TACC2: variants seen among roughly 807,000 people sequenced by gnomAD.
The protein encoded by TACC2 is transforming acidic coiled-coil containing protein 2.
TACC2 carries 137 observed loss-of-function variants against 227.3 expected under a neutral mutation model. The ratio of observed to expected loss-of-function variants is 0.60; its 90% CI spans 0.52 to 0.69. TACC2 has a LOEUF of 0.69. TACC2 is among the 30% of genes least tolerant of loss of function. The pLI is 0.00. For missense variants in TACC2, 3,470 were observed against 3,694.4 expected, an observed-to-expected ratio of 0.94 and a Z score of 1.57; for synonymous variants, 1,523 against 1,487.5, an observed-to-expected ratio of 1.02 and a Z score of -0.55.
chr10:122,033,905 A>G (rs1192066948), intron 2 of TACC2, among the ~76,000 whole-genome samples: 1 of 152,128 alleles, frequency 6.6e-6, no homozygotes, highest in East Asian at 1.9e-4. Context: ...TAATCCCAGC[A>G]CTTTGGGAAG....
intron 8 of TACC2, among the ~76,000 whole-genome samples, chr10:122,206,880 C>T (rs2095128217): frequency 6.6e-6 from 1 of 152,136 alleles, no homozygotes; most frequent in South Asian, 2.1e-4. Context: ...CGGCACACCC[C>T]CCAGTGGCTG....
chr10:122,036,500 CT>C (rs372264940), intron 2 of TACC2, among the ~76,000 whole-genome samples: 42,336 of 131,878 alleles, frequency 0.32, 6,825 homozygotes, highest in Admixed American at 0.44. Flanking sequence ...GCAATCCATT[CT>C]TTTTTTTTTT....
rs77657275 is a variant in TACC2 at position 122,083,842 on chromosome 10, G to T, written c.1342G>T (p.Ala448Ser). The T allele has an allele frequency of 5.4e-3, 8,772 of 1,614,160 alleles. 42 individuals carry two copies. Among genetic ancestry groups the T allele is most frequent in the Middle Eastern group, 9.4e-3 (57 of 6,062 alleles). The change falls in exon 4 of 23, where the codon GCT (alanine) becomes TCT (serine). Residue 448 changes from alanine to serine, a missense_variant. Ala to Ser is a moderately conservative substitution (Grantham distance 99). Transcript: ENST00000369005. Reference protein sequence around the residue: ...GSSSRESVSKAGMPVSADAAK... With the variant: ...GSSSRESVSKSGMPVSADAAK... ...ATCATCCAGGGAATCAGTTTCCAAG[G>T]CTGGGATGCCAGTTTCTGCAGATGC...
chr10:122,019,438 C>G (rs147432819), intron 1 of TACC2, among the ~76,000 whole-genome samples: 9 of 152,214 alleles, frequency 5.9e-5, no homozygotes, highest in Non-Finnish European at 1.3e-4. Flanking sequence ...GGTTTGTTCC[C>G]GGCCCGACTG....
At chr10:122,071,229 A>G (rs2078020847) in intron 3 of TACC2, among the ~76,000 whole-genome samples, 4 of 152,220 alleles carry the variant, frequency 2.6e-5, no homozygotes. Flanking sequence ...TTTGATCATT[A>G]AGAAAAGTCT....
intron 5 of TACC2, among the ~76,000 whole-genome samples, chr10:122,094,261 GA>G (rs1218528810): frequency 6.6e-6 from 1 of 152,142 alleles, no homozygotes; most frequent in African/African-American, 2.4e-5. Flanking sequence ...CTGTCATTTG[GA>G]AAAGCTTCAA....
At chr10:122,216,562 A>T in intron 10 of TACC2, 65 bp from the exon 11 acceptor site, 2 of 1,541,734 alleles carry the variant, frequency 1.3e-6, no homozygotes, top group Non-Finnish European at 1.8e-6. Flanking sequence ...CCCAGACCTG[A>T]GGGTGGGCAC....
chr10:121,994,149 C>G (rs1041379362), intron 1 of TACC2, among the ~76,000 whole-genome samples: 2 of 152,178 alleles, frequency 1.3e-5, no homozygotes, highest in African/African-American at 4.8e-5. Context: ...TAGAACTCGC[C>G]TAACTAACTG....
In TACC2 at chr10:122,141,623, C is replaced by G. The variant is rs1434026478; in HGVS notation, c.5700-1949C>G. 1.3e-5 allele frequency among the ~76,000 whole-genome samples: 2 copies of G among 152,064 alleles called. No homozygotes were observed. The highest frequency in any genetic ancestry group is 1.5e-5 in the Non-Finnish European group (1 of 68,018). ...CTGCATCAGATCCCAGGGCTGTCAGCTGTCACAGAGCTGGCTTTGTTGTGA... is the reference window on the plus strand; with the variant it reads ...CTGCATCAGATCCCAGGGCTGTCAGGTGTCACAGAGCTGGCTTTGTTGTGA... On this transcript the variant is annotated intron_variant, in intron 6 of 22. Transcript: ENST00000369005. The surrounding 1 kb of genome is among the most constrained non-coding windows in gnomAD (Gnocchi z 4.3).
At chr10:122,203,370 AC>A (rs1229633556) in intron 8 of TACC2, among the ~76,000 whole-genome samples, 12 of 133,418 alleles carry the variant, frequency 9.0e-5, no homozygotes, top group East Asian at 4.5e-4. Flanking sequence ...CAGGGGGCTG[AC>A]CCCCCCACCT....
rs145168306 is a variant in TACC2 at position 122,051,046 on chromosome 10, G to A, written c.146+496G>A. The A allele has an allele frequency of 1.5e-3, 240 of 156,516 alleles. 1 individual carries two copies. Among genetic ancestry groups the A allele is most frequent in the Non-Finnish European group, 2.4e-3 (169 of 70,868 alleles). 9.7% of individuals were successfully genotyped at this position (156,516 alleles called of 1,614,324 possible). On this transcript the variant is annotated intron_variant, in intron 3 of 22. Transcript: ENST00000369005. ...TGTGGCAGTGGGATGTGGCCAGTGC[G>A]GGGGTGGCCCATCAGTCACTTCCTT...
chr10:122,086,093 G>C lies in TACC2; in HGVS notation c.3593G>C (p.Arg1198Thr). Residue 1198 changes from arginine to threonine, a missense_variant, in exon 4 of 23, where the codon AGA (arginine) becomes ACA (threonine). By Grantham distance (71) the Arg-to-Thr change is moderately conservative. This residue lies in a region of TACC2 where 1,924 missense variants were observed against 1,978.3 expected (regional missense o/e 0.97). Transcript: ENST00000369005. The part of the protein sequence containing the change: ...ASCQDALLPA[R>T]ELGGIPRSTM... The stretch of plus-strand genomic sequence containing the variant: ...TGCCAGGATGCCTTGCTGCCAGCCA[G>C]AGAGCTGGGTGGGATTCCCAGGAGC... The C allele has an allele frequency of 1.2e-6, 2 of 1,613,788 alleles. No homozygotes were observed. The highest frequency in any genetic ancestry group is 1.1e-5 in the South Asian group (1 of 91,090).
rs1458324936 is a variant in TACC2, at chr10:122,211,143, C to G, written c.6718C>G (p.Pro2240Ala). 2 of 1,609,760 alleles carry G rather than the reference C, an allele frequency of 1.2e-6. No homozygotes were observed. Among genetic ancestry groups the G allele is most frequent in the Admixed American group, 1.7e-5 (1 of 59,264 alleles). The change falls in exon 9 of 23, where the codon CCG (proline) becomes GCG (alanine). Residue 2240 changes from proline to alanine, a missense_variant. Physicochemically the swap from Pro to Ala is conservative, Grantham distance 27 (BLOSUM62 -1). Transcript: ENST00000369005. ...GRKTLPLTTA[P>A]EAGEVTPSDS... Reference sequence around the variant, plus strand: ...GAAAACGCTGCCTCTTACCACGGCCCCGGAGGCAGGGGAGGTAACCCCATC... The same window carrying G: ...GAAAACGCTGCCTCTTACCACGGCCGCGGAGGCAGGGGAGGTAACCCCATC...
At chr10:122,108,081 T>C (rs929216887) in intron 5 of TACC2, among the ~76,000 whole-genome samples, 10 of 151,064 alleles carry the variant, frequency 6.6e-5, no homozygotes, top group Admixed American at 4.0e-4. Flanking sequence ...TTAGTAGAGA[T>C]GGGGTTTCAC....
chr10:122,070,069 T>G (rs990898322), intron 3 of TACC2, among the ~76,000 whole-genome samples: 1 of 152,186 alleles, frequency 6.6e-6, no homozygotes, highest in African/African-American at 2.4e-5. Context: ...AGAGAGACGA[T>G]CTCAACAAAA....
chr10:122,067,881 T>G (rs985879977), intron 3 of TACC2, among the ~76,000 whole-genome samples: 8 of 152,312 alleles, frequency 5.3e-5, no homozygotes, highest in African/African-American at 1.9e-4. Context: ...ACATCATATT[T>G]GGAGATTTTT....
At position 122,211,719 on chromosome 10, in the gene TACC2, G is replaced by C. The variant is rs751051137; in HGVS notation, c.7283+11G>C. The C allele has an allele frequency of 6.5e-7, 1 of 1,532,562 alleles. No homozygotes were observed. The highest frequency in any genetic ancestry group is 8.7e-7 in the Non-Finnish European group (1 of 1,145,682). 94.9% of individuals were successfully genotyped at this position (1,532,562 alleles called of 1,614,324 possible). A position where few individuals can be genotyped will look rare whatever the true frequency, so the allele number is the denominator to read the frequency against. On this transcript the variant is annotated intron_variant, in intron 9 of 22. Transcript: ENST00000369005. ...GACGCCCCTAAAGACGTAAGTTCAG[G>C]GGTGGAGGTGGTAAGGATCAGAGGC...
chr10:122,014,284 A>C (rs1956294657), intron 1 of TACC2, among the ~76,000 whole-genome samples: 2 of 149,856 alleles, frequency 1.3e-5, no homozygotes, highest in South Asian at 4.2e-4. Context: ...ATCTTGGCTC[A>C]CTGCAACCTC....
chr10:122,041,063 G>A (rs1475363930), intron 2 of TACC2, among the ~76,000 whole-genome samples: 2 of 152,230 alleles, frequency 1.3e-5, no homozygotes, highest in Admixed American at 1.3e-4. Flanking sequence ...CAGAGGACCA[G>A]GAGGACAGGA....
Sources: allele counts gnomAD v4.1 joint callset (sites outside exome capture counted in the v4.1 genomes callset), GRCh38; gene constraint gnomAD v4.1.1; regional missense constraint gnomAD v4.1.1; non-coding constraint Gnocchi (gnomAD v3.1); transcripts MANE v1.5; gene names NCBI Gene and HGNC (gene_info 2026-07-23, HGNC 2026-07-21).